The following HECTD4 variants were observed in gnomAD, a reference collection of about 807,000 sequenced individuals.
HECTD4 encodes probable E3 ubiquitin-protein ligase HECTD4.
Under a neutral mutation model 471.5 loss-of-function variants are expected in HECTD4, and 114 were observed. The observed-to-expected ratio is 0.24, with a 90% CI of 0.21 to 0.28. HECTD4 has a LOEUF of 0.28. Ranked by LOEUF, HECTD4 falls within the 10% of genes least tolerant of loss-of-function variation. The pLI is 1.00. For synonymous variants in HECTD4, 2,012 were observed against 2,256.0 expected (o/e 0.89, Z 3.07); for missense variants, 3,866 against 5,651.5 (o/e 0.68, Z 10.13).
chr12:112,235,238 A>T lies in HECTD4; in HGVS notation c.5754T>A (p.Ala1918=). The part of the protein sequence containing the change: ...PGCQTVLSPT[A]SEPDTTLTKT... ...TTGTCAATGTGGTGTCAGGTTCAGAAGCGGTTGGAGAAAGAACTGTCTGAC... is the reference window on the plus strand; with the variant it reads ...TTGTCAATGTGGTGTCAGGTTCAGATGCGGTTGGAGAAAGAACTGTCTGAC... Residue 1918 remains alanine, a synonymous_variant, in exon 37 of 76, where the codon GCT becomes GCA. Transcript: ENST00000682272. The surrounding 1 kb of genome is among the most constrained non-coding windows in gnomAD (Gnocchi z 5.0). 6.2e-7 allele frequency: 1 copy of T among 1,613,958 alleles called. No individual in the cohort carries two copies. The highest frequency in any genetic ancestry group is 8.5e-7 in the Non-Finnish European group (1 of 1,179,872).
At chr12:112,358,633 T>G (rs569260642) in intron 1 of HECTD4, among the ~76,000 whole-genome samples, 26 of 152,102 alleles carry the variant, frequency 1.7e-4, no homozygotes, top group African/African-American at 5.8e-4. Context: ...CAGATTATGA[T>G]CAAAGAAAGG....
chr12:112,286,109 T>C (rs936828785), intron 7 of HECTD4, among the ~76,000 whole-genome samples: 15 of 152,222 alleles, frequency 9.9e-5, no homozygotes, highest in African/African-American at 3.4e-4. Flanking sequence ...ACCTGTGTGA[T>C]ACAAGTAGGG....
At position 112,230,459 on chromosome 12, in the gene HECTD4, G is replaced by A. The variant is rs896683076; in HGVS notation, c.6336+228C>T. ...AAACAAGGCCTGTCACTCTTTCCCT[G>A]AGAATACTGTCCTATCGTCTGCAAA... is the stretch of plus-strand genomic sequence containing the variant. On this transcript the variant is annotated intron_variant, in intron 40 of 75. Transcript: ENST00000682272. Among the ~76,000 whole-genome samples the A allele has an allele frequency of 5.4e-4, 82 of 152,204 alleles. 1 individual carries two copies. Among genetic ancestry groups the A allele is most frequent in the African/African-American group, 2.0e-3 (81 of 41,450 alleles).
At chr12:112,286,299 T>C (rs2034751621) in intron 7 of HECTD4, among the ~76,000 whole-genome samples, 1 of 152,194 alleles carries the variant, frequency 6.6e-6, no homozygotes, top group Non-Finnish European at 1.5e-5. Context: ...AGAGAGATTA[T>C]TAGACCAGCC....
chr12:112,163,163 G>T lies in HECTD4; in HGVS notation c.12999C>A (p.Phe4333Leu). ...EMFTQEELCK[F>L]IKFACNQERI... is the part of the protein sequence containing the mutation. The stretch of plus-strand genomic sequence containing the variant: ...GCTCCTGGTTGCAGGCAAACTTGAT[G>T]AACTTGCACAGCTCCTCCTGGGTGA... The change falls in exon 75 of 76, where the codon TTC becomes TTA. Residue 4333 changes from phenylalanine (F) to leucine (L), a missense_variant. Transcript: ENST00000682272. The surrounding 1 kb of genome is among the most constrained non-coding windows in gnomAD (Gnocchi z 8.2). 2 of 1,614,028 alleles carry T rather than the reference G, an allele frequency of 1.2e-6. No individual in the cohort carries two copies. The highest frequency in any genetic ancestry group is 1.3e-5 in the African/African-American group (1 of 75,056).
chr12:112,289,239 A>ACC (rs2034823949), intron 7 of HECTD4, among the ~76,000 whole-genome samples: 1 of 152,164 alleles, frequency 6.6e-6, no homozygotes, highest in Non-Finnish European at 1.5e-5. Flanking sequence ...AGCTGAGACT[A>ACC]CAGGTGTGAA....
chr12:112,335,187 T>C (rs2035928792), intron 1 of HECTD4, among the ~76,000 whole-genome samples: 1 of 120,084 alleles, frequency 8.3e-6, no homozygotes, highest in South Asian at 2.7e-4. Context: ...CACAATGGAA[T>C]ACTACTCAGC....
In HECTD4 at chr12:112,184,475, C is replaced by A. The variant is rs373701976; in HGVS notation, c.10491G>T (p.Ser3497=). ...ASTSQASICS[S]QGISQTVSDL... is the part of the protein sequence containing the mutation. ...CGCTGACGGTTTGGGAGATGCCCTGCGAGCTGCAGATGGAGGCCTGGCTGG... is the reference window on the plus strand; with the variant it reads ...CGCTGACGGTTTGGGAGATGCCCTGAGAGCTGCAGATGGAGGCCTGGCTGG... The change falls in exon 61 of 76, where the codon TCG becomes TCT. Residue 3497 remains serine (S), a synonymous_variant. Transcript: ENST00000682272. The surrounding 1 kb of genome is among the most constrained non-coding windows in gnomAD (Gnocchi z 9.1). 1.2e-6 allele frequency: 2 copies of A among 1,606,038 alleles called. No individual in the cohort carries two copies. Among genetic ancestry groups the A allele is most frequent in the Non-Finnish European group, 1.7e-6 (2 of 1,177,018 alleles).
Position 112,248,524 on chromosome 12 carries a change from A to G in HECTD4, c.3951-12T>C, listed in dbSNP as rs974499855. 4.4e-6 allele frequency: 7 copies of G among 1,577,720 alleles called. No individual in the cohort carries two copies. The highest frequency in any genetic ancestry group is 2.2e-5 in the East Asian group (1 of 44,524). On this transcript the variant is annotated splice_polypyrimidine_tract_variant and intron_variant, in intron 25 of 75. Transcript: ENST00000682272. ...GCTGAATCACTTCTCTGTGATCACA[A>G]TGGAAATCAGTCAGATATATGCCAT...
chr12:112,229,185 G>A (rs2033313476), intron 41 of HECTD4, among the ~76,000 whole-genome samples: 1 of 152,114 alleles, frequency 6.6e-6, no homozygotes, highest in Non-Finnish European at 1.5e-5. Flanking sequence ...AAACTAGCCA[G>A]GCAAGGTGGT....
Position 112,248,421 on chromosome 12 carries a change from T to G in HECTD4, c.4042A>C (p.Asn1348His). 6.2e-7 allele frequency: 1 copy of G among 1,611,874 alleles called. No homozygotes were observed. The highest frequency in any genetic ancestry group is 8.5e-7 in the Non-Finnish European group (1 of 1,178,404). The change falls in exon 26 of 76, where the codon AAT becomes CAT. Residue 1348 changes from asparagine (N) to histidine (H), a missense_variant. Transcript: ENST00000682272. ...NLVDALQSLI[N>H]FQYQEEHAEE... ...GCATGTTCTTCTTGATATTGGAAAT[T>G]TATTAGAGACTGCAGTGCATCAACC...
chr12:112,301,788 C>T lies in HECTD4; in HGVS notation c.1335+4276G>A. 3 of 533,098 alleles carry T rather than the reference C, an allele frequency of 5.6e-6. No homozygotes were observed. In the Admixed American group the frequency reaches 9.4e-5, roughly 17 times the overall value. 33.0% of individuals were successfully genotyped at this position (533,098 alleles called of 1,614,324 possible). A position where few individuals can be genotyped will look rare whatever the true frequency, so the allele number is the denominator to read the frequency against. Reference sequence around the variant, plus strand: ...GCTTATGTGAAGTTTTACTCTATTTCTTCAGCTAGCTGTTTTTTTTTTTAA... The same window carrying T: ...GCTTATGTGAAGTTTTACTCTATTTTTTCAGCTAGCTGTTTTTTTTTTTAA... On this transcript the variant is annotated intron_variant, in intron 7 of 75. Coordinates refer to ENST00000682272, the MANE Select transcript of HECTD4 (RefSeq NM_001388303.1).
chr12:112,321,264 T>C (rs2035579518), intron 1 of HECTD4, among the ~76,000 whole-genome samples: 1 of 152,234 alleles, frequency 6.6e-6, no homozygotes, highest in Admixed American at 6.5e-5. Flanking sequence ...GGCCTCCATT[T>C]TCAGCAGCTG....
intron 2 of HECTD4, among the ~76,000 whole-genome samples, chr12:112,315,806 G>C (rs921264605): frequency 3.3e-5 from 5 of 150,782 alleles, no homozygotes; most frequent in Non-Finnish European, 7.4e-5. Flanking sequence ...TGAGGCAGGA[G>C]GATTGCTTGA....
intron 13 of HECTD4, among the ~76,000 whole-genome samples, chr12:112,268,324 G>A (rs2034327555): frequency 6.6e-6 from 1 of 152,172 alleles, no homozygotes; most frequent in South Asian, 2.1e-4. Context: ...GAGATTCGAA[G>A]CATAATGTGC....
Position 112,163,461 on chromosome 12 carries a change from C to T in HECTD4, c.12897+81G>A. Reference sequence around the variant, plus strand: ...AGCTGAGACAGGCCACTGCCGATGCCTGCTGCTGGAGTTGAGGGTGACAGG... The same window carrying T: ...AGCTGAGACAGGCCACTGCCGATGCTTGCTGCTGGAGTTGAGGGTGACAGG... On this transcript the variant is annotated intron_variant, in intron 74 of 75. Coordinates refer to ENST00000682272, the MANE Select transcript of HECTD4 (RefSeq NM_001388303.1). The surrounding 1 kb of genome is among the most constrained non-coding windows in gnomAD (Gnocchi z 8.2). 1 of 1,265,998 alleles carries T rather than the reference C, an allele frequency of 7.9e-7. No individual in the cohort carries two copies. The highest frequency in any genetic ancestry group is 1.5e-5 in the African/African-American group (1 of 66,094). 78.4% of individuals were successfully genotyped at this position (1,265,998 alleles called of 1,614,324 possible). A position where few individuals can be genotyped will look rare whatever the true frequency, so the allele number is the denominator to read the frequency against.
At position 112,194,999 on chromosome 12, in the gene HECTD4, C is replaced by A. The variant is rs780058794; in HGVS notation, c.8635G>T (p.Ala2879Ser). 3 of 1,611,034 alleles carry A rather than the reference C, an allele frequency of 1.9e-6. No homozygotes were observed. The African/African-American group carries it at 4.0e-5, about 22-fold the overall frequency. Reference sequence around the variant, plus strand: ...GTGAACAAGTGAGGCAACTTCGGGGCGAAGATATTGAGCAGGGCCATGCGG... The same window carrying A: ...GTGAACAAGTGAGGCAACTTCGGGGAGAAGATATTGAGCAGGGCCATGCGG... ...YCRMALLNIF[A>S]PKLPHLFTRL... The change falls in exon 56 of 76, where the codon GCC becomes TCC. Residue 2879 changes from alanine (A) to serine (S), a missense_variant. Physicochemically the swap from Ala to Ser is moderately conservative, Grantham distance 99. Around this residue, in one of 16 missense-constraint regions of HECTD4, gnomAD observed 266 missense variants for 441.6 expected, o/e 0.60. Transcript: ENST00000682272. The surrounding 1 kb of genome is among the most constrained non-coding windows in gnomAD (Gnocchi z 4.6).
At chr12:112,178,452 G>A (rs535856260) in intron 64 of HECTD4, among the ~76,000 whole-genome samples, 2 of 152,356 alleles carry the variant, frequency 1.3e-5, no homozygotes, top group East Asian at 3.9e-4. Flanking sequence ...TTCATGGTCA[G>A]AATCTGACCA....
At position 112,382,325 on chromosome 12, in the gene HECTD4, C is replaced by CCAG; in HGVS notation, c.-198_-197insCTG. 2.6e-6 allele frequency: 1 copy of CCAG among 380,032 alleles called. No individual in the cohort carries two copies. Among genetic ancestry groups the CCAG allele is most frequent in the Non-Finnish European group, 4.2e-6 (1 of 238,848 alleles). The allele number at this position is 380,032 out of a possible 1,614,324, so 23.5% of individuals were successfully genotyped here. Reference sequence around the variant, plus strand: ...CGACCCCGGCCCGGGAGACCCCGGCCCTGCCGCCGCCGCCGCCGCCGCCGC... The same window carrying CCAG: ...CGACCCCGGCCCGGGAGACCCCGGCCCAGCTGCCGCCGCCGCCGCCGCCGCCGC... On this transcript the variant is annotated 5_prime_UTR_variant, in exon 1 of 76. Coordinates refer to ENST00000682272, the MANE Select transcript of HECTD4 (RefSeq NM_001388303.1).
Sources: allele counts gnomAD v4.1 joint callset (sites outside exome capture counted in the v4.1 genomes callset), GRCh38; gene constraint gnomAD v4.1.1; regional missense constraint gnomAD v4.1.1; non-coding constraint Gnocchi (gnomAD v3.1); transcripts MANE v1.5; gene names NCBI Gene and HGNC (gene_info 2026-07-23, HGNC 2026-07-21).